Variants in ARHGEF4 observed in about 807,000 individuals in gnomAD.
ARHGEF4 encodes Rho guanine nucleotide exchange factor 4, also known as APC-stimulated guanine nucleotide exchange factor 1.
ARHGEF4 carries 119 observed loss-of-function variants against 162.0 expected under a neutral mutation model. The ratio of observed to expected loss-of-function variants is 0.73; its 90% confidence interval spans 0.63 to 0.86. The LOEUF is 0.86. ARHGEF4 is among the 40% of genes least tolerant of loss of function. The pLI, the probability that ARHGEF4 is intolerant of heterozygous loss-of-function variation, is 0.00. For synonymous variants in ARHGEF4, 1,014 were observed against 979.9 expected (o/e 1.03, Z -0.65); for missense variants, 2,488 against 2,456.0 (o/e 1.01, Z -0.28).
At chr2:131,012,055 G>C (rs188166814) in intron 4 of ARHGEF4, 4 of 640,398 alleles carry the variant, frequency 6.2e-6, no homozygotes, top group Non-Finnish European at 1.1e-5. Context: ...CAAGATTTTT[G>C]TTCTGAGCTA....
chr2:130,931,349 C>T (rs1433541551), intron 3 of ARHGEF4, 92 bp downstream of exon 3: 29 of 1,360,018 alleles, frequency 2.1e-5, no homozygotes, highest in African/African-American at 2.9e-5. Context: ...TTGCCTGACT[C>T]TCCTGAGATG....
Position 130,891,569 on chromosome 2 carries a change from G to A in ARHGEF4, c.40-22417G>A, listed in dbSNP as rs367579524. Among the ~76,000 whole-genome samples the A allele has an allele frequency of 1.1e-3, 168 of 152,314 alleles. 1 individual carries two copies. The highest frequency in any genetic ancestry group is 3.8e-3 in the African/African-American group (158 of 41,568). The stretch of plus-strand genomic sequence containing the variant: ...AATAACAGAAATTTATTTGCTCACA[G>A]TTCTGAAAGCTGGAAATCCAAGATC... On this transcript the variant is annotated intron_variant, in intron 1 of 13. Coordinates refer to ENST00000409359, the MANE Select transcript of ARHGEF4 (RefSeq NM_001367493.1).
intron 1 of ARHGEF4, among the ~76,000 whole-genome samples, chr2:130,884,275 C>T (rs1008556425): frequency 3.3e-5 from 5 of 151,752 alleles, no homozygotes; most frequent in African/African-American, 1.2e-4. Context: ...TGCACACATG[C>T]ATGCACACAG....
intron 1 of ARHGEF4, among the ~76,000 whole-genome samples, chr2:130,864,509 G>C (rs1266535711): frequency 1.3e-5 from 2 of 152,192 alleles, no homozygotes; most frequent in African/African-American, 4.8e-5. Flanking sequence ...CGAATCACTA[G>C]AGGTCAGGAG....
At chr2:131,040,947 C>G (rs967065831) in intron 8 of ARHGEF4, among the ~76,000 whole-genome samples, 1 of 150,694 alleles carries the variant, frequency 6.6e-6, no homozygotes, top group Non-Finnish European at 1.5e-5. Flanking sequence ...CCCCCTACCA[C>G]CGCCGCTTTT....
At chr2:130,952,850 G>T (rs1684037985) in intron 4 of ARHGEF4, among the ~76,000 whole-genome samples, 1 of 152,092 alleles carries the variant, frequency 6.6e-6, no homozygotes, top group Non-Finnish European at 1.5e-5. Context: ...ACTTACAAGG[G>T]ATGTGAAGGA....
chr2:130,896,524 C>T (rs563438000), intron 1 of ARHGEF4, among the ~76,000 whole-genome samples: 72 of 152,306 alleles, frequency 4.7e-4, no homozygotes, highest in African/African-American at 1.7e-3. Context: ...GTTGAACCCT[C>T]CCAACCGCAA....
rs983459542 is a variant in ARHGEF4 at position 131,045,798 on chromosome 2, C to T, written c.5480-240C>T. Reference sequence around the variant, plus strand: ...GCCATGCCCCTGAAACATCACATGCCTTTGCACAGGCCACCCCCCTCTTCA... The same window carrying T: ...GCCATGCCCCTGAAACATCACATGCTTTTGCACAGGCCACCCCCCTCTTCA... On this transcript the variant is annotated intron_variant, in intron 13 of 13. Transcript: ENST00000409359. 7.7e-6 allele frequency: 11 copies of T among 1,428,614 alleles called. 1 individual carries two copies. In the Admixed American group the frequency reaches 1.2e-4, roughly 15 times the overall value. 88.5% of individuals were successfully genotyped at this position (1,428,614 alleles called of 1,614,324 possible).
At chr2:130,837,249 G>A (rs1362115662) in intron 1 of ARHGEF4, among the ~76,000 whole-genome samples, 1 of 152,074 alleles carries the variant, frequency 6.6e-6, no homozygotes, top group Non-Finnish European at 1.5e-5. Context: ...CCCGGGGCGA[G>A]CCCCTGAGAG....
rs552130817 is a variant in ARHGEF4, at chr2:130,986,561, G to A, written c.3985+39926G>A. Reference sequence around the variant, plus strand: ...GGCCCTGTGCTGGCCAGGTGGAAAGGGATCTGCGCCGCCTGGTGTGAGAGT... The same window carrying A: ...GGCCCTGTGCTGGCCAGGTGGAAAGAGATCTGCGCCGCCTGGTGTGAGAGT... On this transcript the variant is annotated intron_variant, in intron 4 of 13. Transcript: ENST00000409359. Among the ~76,000 whole-genome samples the A allele has an allele frequency of 1.6e-3, 240 of 152,338 alleles. 1 individual carries two copies. The highest frequency in any genetic ancestry group is 5.3e-3 in the African/African-American group (220 of 41,576).
intron 4 of ARHGEF4, among the ~76,000 whole-genome samples, chr2:131,008,935 A>G (rs1181693227): frequency 6.6e-6 from 1 of 152,224 alleles, no homozygotes; most frequent in Non-Finnish European, 1.5e-5. Flanking sequence ...ATGTATTTTT[A>G]AAGAAATTAA....
At chr2:130,938,985 G>A (rs897864802) in intron 3 of ARHGEF4, among the ~76,000 whole-genome samples, 1 of 152,210 alleles carries the variant, frequency 6.6e-6, no homozygotes, top group Non-Finnish European at 1.5e-5. Context: ...AGGGTTTGGT[G>A]TACAGATTTT....
At chr2:130,841,764 C>G (rs1319280558) in intron 1 of ARHGEF4, among the ~76,000 whole-genome samples, 1 of 152,236 alleles carries the variant, frequency 6.6e-6, no homozygotes, top group Admixed American at 6.5e-5. Context: ...ACAGGTTGCT[C>G]TTGATCGGTC....
intron 4 of ARHGEF4, chr2:131,011,595 A>C: frequency 6.6e-7 from 1 of 1,518,200 alleles, no homozygotes; most frequent in East Asian, 2.5e-5. Context: ...CATGCTATTA[A>C]TCCCCCCATT....
chr2:130,983,851 A>G (rs7593139), intron 4 of ARHGEF4, among the ~76,000 whole-genome samples: 140,471 of 152,006 alleles, frequency 0.92, 65,674 homozygotes, highest in Non-Finnish European at 0.99. Context: ...GGGTTTCACC[A>G]TGTTAGCCAG....
Position 130,857,031 on chromosome 2 carries a change from G to A in ARHGEF4, c.39+20039G>A, listed in dbSNP as rs527856869. ...AGGTCAGGAGATCAAGACCATCCTG[G>A]CTAACATGGTGAAACCCCGTCTCTA... On this transcript the variant is annotated intron_variant, in intron 1 of 13. Coordinates refer to ENST00000409359, the MANE Select transcript of ARHGEF4 (RefSeq NM_001367493.1). Among the ~76,000 whole-genome samples, 4 of 152,174 alleles carry A rather than the reference G, an allele frequency of 2.6e-5. No homozygotes were observed. The South Asian group carries it at 6.2e-4, about 24-fold the overall frequency.
chr2:130,877,975 TG>T (rs1678960704), intron 1 of ARHGEF4, among the ~76,000 whole-genome samples: 1 of 152,150 alleles, frequency 6.6e-6, no homozygotes, highest in Admixed American at 6.5e-5. Flanking sequence ...GTTTGAGCCT[TG>T]TACGGTATCC....
At chr2:130,963,262 G>T (rs912159280) in intron 4 of ARHGEF4, among the ~76,000 whole-genome samples, 3 of 152,266 alleles carry the variant, frequency 2.0e-5, no homozygotes, top group East Asian at 1.9e-4. Flanking sequence ...TGTCAGGAGG[G>T]TCGCAGGCGC....
chr2:131,012,812 C>T (rs1688541919), intron 4 of ARHGEF4, among the ~76,000 whole-genome samples: 1 of 152,166 alleles, frequency 6.6e-6, no homozygotes, highest in African/African-American at 2.4e-5. Flanking sequence ...AACTCCTGAC[C>T]TCAGGTGATC....
Sources: allele counts gnomAD v4.1 joint callset (sites outside exome capture counted in the v4.1 genomes callset), GRCh38; gene constraint gnomAD v4.1.1; transcripts MANE v1.5; gene names NCBI Gene and HGNC (gene_info 2026-07-23, HGNC 2026-07-21).